RCSD1: variants seen among roughly 807,000 people sequenced by gnomAD.
RCSD1 encodes the protein RCSD domain containing 1, also known as capZ-interacting protein.
RCSD1 carries 26 observed loss-of-function variants against 42.5 expected under a neutral mutation model. The ratio of observed to expected loss-of-function variants is 0.61; its 90% confidence interval spans 0.45 to 0.85. The LOEUF is 0.85. RCSD1 is among the 40% of genes least tolerant of loss of function. The pLI is 0.00. For synonymous variants in RCSD1, 220 were observed against 212.2 expected (o/e 1.04, Z -0.32); for missense variants, 571 against 528.3 (o/e 1.08, Z -0.79).
intron 3 of RCSD1, among the ~76,000 whole-genome samples, chr1:167,688,802 G>A (rs1025212866): frequency 2.0e-5 from 3 of 152,158 alleles, no homozygotes; most frequent in African/African-American, 7.2e-5. Flanking sequence ...ATTAGTACAT[G>A]GGGTCAAGGA....
intron 1 of RCSD1, among the ~76,000 whole-genome samples, chr1:167,675,268 G>A (rs1658916074): frequency 1.3e-5 from 2 of 150,254 alleles, no homozygotes; most frequent in Non-Finnish European, 2.9e-5. Flanking sequence ...AAAGGAATGA[G>A]GTTTAATGGA....
intron 4 of RCSD1, among the ~76,000 whole-genome samples, chr1:167,691,584 AGAGCACC>A (rs1319480919): frequency 2.0e-5 from 3 of 152,224 alleles, no homozygotes; most frequent in Non-Finnish European, 2.9e-5. Flanking sequence ...GGCCCAACTG[AGAGCACC>A]GGCTCACCAA....
intron 1 of RCSD1, among the ~76,000 whole-genome samples, chr1:167,657,990 C>T (rs996165035): frequency 3.9e-5 from 6 of 151,978 alleles, no homozygotes; most frequent in African/African-American, 2.4e-5. Context: ...TGCAGTGGTG[C>T]GATCCTAGCT....
At chr1:167,655,560 C>A (rs1419400082) in intron 1 of RCSD1, among the ~76,000 whole-genome samples, 8 of 152,124 alleles carry the variant, frequency 5.3e-5, no homozygotes, top group African/African-American at 1.9e-4. Flanking sequence ...CCCCTCTGGG[C>A]AAGGTGAAGG....
At chr1:167,678,681 C>T (rs977130773) in intron 1 of RCSD1, among the ~76,000 whole-genome samples, 2 of 152,118 alleles carry the variant, frequency 1.3e-5, no homozygotes, top group African/African-American at 4.8e-5. Flanking sequence ...AGGTCACGTC[C>T]CTCCTTGAAA....
chr1:167,682,432 T>C (rs1192389525), intron 1 of RCSD1, among the ~76,000 whole-genome samples: 3 of 152,140 alleles, frequency 2.0e-5, no homozygotes, highest in African/African-American at 7.2e-5. Context: ...CCTCCCAAAG[T>C]GCTGGGATTA....
intron 1 of RCSD1, among the ~76,000 whole-genome samples, chr1:167,671,986 G>A (rs754005496): frequency 7.9e-5 from 12 of 152,200 alleles, no homozygotes; most frequent in Non-Finnish European, 1.5e-4. Context: ...AAGTCTTCCC[G>A]GGTGCCTCTG....
chr1:167,701,978 CCCTAA>C (rs1276213859), intron 6 of RCSD1, among the ~76,000 whole-genome samples: 1 of 152,212 alleles, frequency 6.6e-6, no homozygotes, highest in Non-Finnish European at 1.5e-5. Context: ...TTTTCTAACC[CCCTAA>C]CCTAATTCCC....
In RCSD1 at chr1:167,671,764, C is replaced by T. The variant is rs563344923; in HGVS notation, c.7-12136C>T. Among the ~76,000 whole-genome samples the T allele has an allele frequency of 3.6e-4, 55 of 152,308 alleles. No homozygotes were observed. The South Asian group carries it at 0.011, about 30-fold the overall frequency. On this transcript the variant is annotated intron_variant, in intron 1 of 6. Transcript: ENST00000367854. ...CTGTGGTTTTGCTTTTTGCTTAGAACCCTCCAGTGACCTCAGATGGCCCTC... is the reference window on the plus strand; with the variant it reads ...CTGTGGTTTTGCTTTTTGCTTAGAATCCTCCAGTGACCTCAGATGGCCCTC...
chr1:167,653,288 C>T (rs941786105), intron 1 of RCSD1, among the ~76,000 whole-genome samples: 2 of 152,180 alleles, frequency 1.3e-5, no homozygotes, highest in African/African-American at 2.4e-5. Flanking sequence ...ACACAGATTT[C>T]GCAGGTATAA....
At chr1:167,687,819 C>T (rs1451594473) in intron 3 of RCSD1, among the ~76,000 whole-genome samples, 1 of 152,230 alleles carries the variant, frequency 6.6e-6, no homozygotes, top group African/African-American at 2.4e-5. Flanking sequence ...GACTGCAGGG[C>T]CCCTCCTGAT....
chr1:167,671,567 T>C (rs986978915), intron 1 of RCSD1, among the ~76,000 whole-genome samples: 3 of 152,192 alleles, frequency 2.0e-5, no homozygotes, highest in African/African-American at 7.2e-5. Flanking sequence ...AGTGAAAAGA[T>C]CTTCTGCCAC....
intron 1 of RCSD1, among the ~76,000 whole-genome samples, chr1:167,648,609 G>T (rs1415723307): frequency 6.6e-6 from 1 of 152,206 alleles, no homozygotes; most frequent in Admixed American, 6.5e-5. Context: ...CACAGGAAAG[G>T]GGTGTGGACC....
At chr1:167,687,251 G>T (rs919596766) in intron 3 of RCSD1, among the ~76,000 whole-genome samples, 1 of 152,196 alleles carries the variant, frequency 6.6e-6, no homozygotes, top group African/African-American at 2.4e-5. Context: ...GAAGCAGGGC[G>T]TAGTGGCTCA....
chr1:167,670,372 A>C (rs1045358203), intron 1 of RCSD1, among the ~76,000 whole-genome samples: 12 of 148,218 alleles, frequency 8.1e-5, no homozygotes, highest in African/African-American at 3.0e-4. Context: ...AAAAAAAAAA[A>C]ACCACTCGAG....
At chr1:167,668,916 A>G (rs552876951) in intron 1 of RCSD1, among the ~76,000 whole-genome samples, 39 of 152,314 alleles carry the variant, frequency 2.6e-4, no homozygotes, top group African/African-American at 9.4e-4. Flanking sequence ...ATTCATAAAT[A>G]CTTTCTAGAA....
rs1571678092 is a variant in RCSD1, at chr1:167,650,844, C to T, written c.6+20415C>T. Among the ~76,000 whole-genome samples, 3 of 152,212 alleles carry T rather than the reference C, an allele frequency of 2.0e-5. No homozygotes were observed. In the South Asian group the frequency reaches 6.2e-4, roughly 32 times the overall value. ...AGGAGGGGGGCAGCCCCAGAAGCAG[C>T]TTCCCCGAGGCCAAGTTCAATGCCT... On this transcript the variant is annotated intron_variant, in intron 1 of 6. Coordinates refer to ENST00000367854, the MANE Select transcript of RCSD1 (RefSeq NM_052862.4).
At chr1:167,682,676 T>C (rs1659110744) in intron 1 of RCSD1, among the ~76,000 whole-genome samples, 1 of 134,938 alleles carries the variant, frequency 7.4e-6, no homozygotes, top group Non-Finnish European at 1.7e-5. Flanking sequence ...AGAGTGTGTG[T>C]GTGTGTGTGT....
intron 6 of RCSD1, among the ~76,000 whole-genome samples, chr1:167,703,325 C>T (rs1317458628): frequency 6.6e-6 from 1 of 152,114 alleles, no homozygotes; most frequent in South Asian, 2.1e-4. Context: ...TCCTCAGCCC[C>T]GAGCATGACC....
Sources: allele counts gnomAD v4.1 joint callset (sites outside exome capture counted in the v4.1 genomes callset), GRCh38; gene constraint gnomAD v4.1.1; transcripts MANE v1.5; gene names NCBI Gene and HGNC (gene_info 2026-07-23, HGNC 2026-07-21).